METTL9: variants seen among roughly 807,000 people sequenced by gnomAD.
The protein encoded by METTL9 is methyltransferase 9, His-X-His N1(pi)-histidine, also known as protein-L-histidine N-pros-methyltransferase.
In METTL9, 10 loss-of-function variants were observed where a neutral mutation model predicts 36.0. That is an observed-to-expected ratio of 0.28 (90% CI 0.17 to 0.47). The LOEUF (loss-of-function observed/expected upper bound fraction) is 0.47, where lower values mean the gene tolerates loss of function less well. Among genes scored for constraint, METTL9 ranks in the 20% least tolerant of loss-of-function variants. The pLI is 0.99. For missense variants in METTL9, 246 were observed against 383.5 expected, an observed-to-expected ratio of 0.64 and a Z score of 3.00; for synonymous variants, 175 against 149.7, an observed-to-expected ratio of 1.17 and a Z score of -1.23.
chr16:21,607,401 A>G (rs1965317274), intron 1 of METTL9, among the ~76,000 whole-genome samples: 1 of 152,106 alleles, frequency 6.6e-6, no homozygotes, highest in African/African-American at 2.4e-5. Flanking sequence ...GTATGACCTA[A>G]TATTTAATAA....
intron 4 of METTL9, among the ~76,000 whole-genome samples, chr16:21,628,687 C>T (rs749408613): frequency 2.0e-5 from 3 of 151,852 alleles, no homozygotes; most frequent in Admixed American, 6.6e-5. Context: ...GTAGAGAGGG[C>T]GTCTGGCGGC....
At chr16:21,642,312 C>T (rs1050128147) in intron 4 of METTL9, 2 of 152,134 alleles carry the variant, frequency 1.3e-5, no homozygotes, top group African/African-American at 4.8e-5. Flanking sequence ...TTTGGCAGCA[C>T]TTACACTAAA....
chr16:21,643,157 A>G (rs755976806), intron 4 of METTL9: 74 of 1,596,550 alleles, frequency 4.6e-5, no homozygotes, highest in Non-Finnish European at 5.7e-5. Flanking sequence ...CTCTTCTTCT[A>G]TAAAGACAAA....
chr16:21,625,227 A>G, intron 4 of METTL9, 112 bp downstream of exon 4: 8 of 1,180,324 alleles, frequency 6.8e-6, no homozygotes, highest in Non-Finnish European at 9.9e-6. Flanking sequence ...AATAGCCTGC[A>G]GTTTAAAGTA....
At chr16:21,638,505 A>G (rs891960893) in intron 4 of METTL9, among the ~76,000 whole-genome samples, 2 of 152,196 alleles carry the variant, frequency 1.3e-5, no homozygotes, top group African/African-American at 2.4e-5. Flanking sequence ...ACATTGTTCA[A>G]TTGCATTTAT....
upstream of METTL9, among the ~76,000 whole-genome samples, chr16:21,598,524 G>A (rs895639257): frequency 7.9e-5 from 12 of 152,106 alleles, no homozygotes; most frequent in East Asian, 2.1e-3. Flanking sequence ...TTCTGGTGCA[G>A]TTAAATTAAA....
chr16:21,651,467 A>AT (rs748354488), intron 4 of METTL9, among the ~76,000 whole-genome samples: 56 of 150,036 alleles, frequency 3.7e-4, no homozygotes, highest in Non-Finnish European at 5.6e-4. Context: ...ACGCCCAGCT[A>AT]TTTTTTTTTC....
intron 4 of METTL9, chr16:21,653,344 T>C (rs1966628393): frequency 6.6e-6 from 1 of 152,306 alleles, no homozygotes. Context: ...GTGTTAGGAT[T>C]ACAGGTGTGA....
chr16:21,601,874 G>T (rs1161004331), intron 1 of METTL9, among the ~76,000 whole-genome samples: 4 of 151,884 alleles, frequency 2.6e-5, no homozygotes, highest in African/African-American at 9.7e-5. Context: ...AATGAATCCA[G>T]ACATTATTTT....
At chr16:21,604,240 G>A (rs1011958855) in intron 1 of METTL9, among the ~76,000 whole-genome samples, 6 of 152,114 alleles carry the variant, frequency 3.9e-5, no homozygotes, top group African/African-American at 1.4e-4. Flanking sequence ...CTCATAATCT[G>A]TGTTGAAACC....
At chr16:21,647,145 G>T (rs754450106) in intron 4 of METTL9, 1 of 1,614,142 alleles carries the variant, frequency 6.2e-7, no homozygotes, top group Non-Finnish European at 8.5e-7. Flanking sequence ...CTTACCACCA[G>T]TGTGGTCCCT....
intron 4 of METTL9, among the ~76,000 whole-genome samples, chr16:21,626,401 ATTAAT>A (rs1965815840): frequency 1.3e-5 from 2 of 152,298 alleles, no homozygotes; most frequent in African/African-American, 4.8e-5. Flanking sequence ...GGTGTCACAA[ATTAAT>A]TTAATTTCTT....
intron 3 of METTL9, among the ~76,000 whole-genome samples, chr16:21,623,971 A>G (rs1965763958): frequency 6.6e-6 from 1 of 152,238 alleles, no homozygotes; most frequent in African/African-American, 2.4e-5. Context: ...GTGTTTCACC[A>G]TGTTGGCCTG....
intron 4 of METTL9, among the ~76,000 whole-genome samples, chr16:21,629,643 C>T (rs1383299460): frequency 6.6e-6 from 1 of 152,164 alleles, no homozygotes; most frequent in Non-Finnish European, 1.5e-5. Context: ...TGTTACAGCT[C>T]TTAAAGGTGG....
intron 4 of METTL9, among the ~76,000 whole-genome samples, chr16:21,636,915 G>A (rs933240451): frequency 6.6e-6 from 1 of 152,194 alleles, no homozygotes; most frequent in African/African-American, 2.4e-5. Flanking sequence ...CTCACCACTT[G>A]GCGATAGGTG....
intron 1 of METTL9, among the ~76,000 whole-genome samples, chr16:21,601,261 A>C (rs1273200652): frequency 6.6e-6 from 1 of 152,206 alleles, no homozygotes; most frequent in Non-Finnish European, 1.5e-5. Context: ...GTTCATTCTT[A>C]TAGAGACAAC....
intron 4 of METTL9, chr16:21,643,037 T>G (rs757353216): frequency 5.5e-5 from 77 of 1,396,540 alleles, no homozygotes; most frequent in Non-Finnish European, 7.8e-5. Context: ...GTGCTTTATA[T>G]CTGTATTTAC....
chr16:21,626,356 G>A (rs917327631), intron 4 of METTL9, among the ~76,000 whole-genome samples: 6 of 152,126 alleles, frequency 3.9e-5, no homozygotes, highest in East Asian at 1.9e-4. Context: ...AATAATGCCC[G>A]TTTCATATAA....
chr16:21,600,737 A>G (rs1251248916), intron 1 of METTL9, among the ~76,000 whole-genome samples: 1 of 152,206 alleles, frequency 6.6e-6, no homozygotes, highest in Non-Finnish European at 1.5e-5. Context: ...ATTAAGTGAG[A>G]TATTTCGTAT....
Sources: allele counts gnomAD v4.1 joint callset (sites outside exome capture counted in the v4.1 genomes callset), GRCh38; gene constraint gnomAD v4.1.1; transcripts MANE v1.5; gene names NCBI Gene and HGNC (gene_info 2026-07-23, HGNC 2026-07-21).